The following SLC25A26 variants were observed in gnomAD, a reference collection of about 807,000 sequenced individuals.
The protein encoded by SLC25A26 is solute carrier family 25 member 26.
Under a neutral mutation model 37.8 loss-of-function variants are expected in SLC25A26, and 36 were observed. The ratio of observed to expected loss-of-function variants is 0.95; its 90% CI spans 0.73 to 1.26. SLC25A26 has a LOEUF of 1.26. Ranked by LOEUF, SLC25A26 falls within the 50% of genes most tolerant of loss-of-function variation. The probability of loss-of-function intolerance (pLI) is 0.00; values close to 1 mark genes in which losing one functional copy is unlikely to be tolerated. For synonymous variants in SLC25A26, 129 were observed against 122.5 expected, an observed-to-expected ratio of 1.05 and a Z score of -0.35; for missense variants, 390 against 331.1, an observed-to-expected ratio of 1.18 and a Z score of -1.38.
At chr3:66,168,992 G>T (rs1415060003) in intron 1 of SLC25A26, among the ~76,000 whole-genome samples, 1 of 152,126 alleles carries the variant, frequency 6.6e-6, no homozygotes, top group Non-Finnish European at 1.5e-5. Flanking sequence ...TGGCATGGTG[G>T]TGTGTGCCTG....
At chr3:66,340,567 G>A (rs1022312259) in intron 5 of SLC25A26, among the ~76,000 whole-genome samples, 2 of 152,012 alleles carry the variant, frequency 1.3e-5, no homozygotes, top group Admixed American at 1.3e-4. Context: ...CTGTGATCCA[G>A]CTCTCATTAA....
rs147438947 is a variant in SLC25A26, at chr3:66,150,986, G to A, written c.-354+17002G>A. Among the ~76,000 whole-genome samples the A allele has an allele frequency of 3.0e-3, 449 of 152,034 alleles. 1 individual carries two copies. Among genetic ancestry groups the A allele is most frequent in the African/African-American group, 0.011 (439 of 41,466 alleles). ...GGGCAGGTGCCTAGCACTGTGCTAT[G>A]TACTTACATAGTCACGTTCTAATGC... On this transcript the variant is annotated intron_variant, in intron 1 of 10. Transcript: ENST00000676754.
intron 1 of SLC25A26, among the ~76,000 whole-genome samples, chr3:66,191,149 G>A (rs1354892288): frequency 6.6e-6 from 1 of 152,132 alleles, no homozygotes; most frequent in Non-Finnish European, 1.5e-5. Flanking sequence ...CCTACTGTAA[G>A]GGACAATAAT....
chr3:66,235,279 TC>T (rs2072220912), intron 1 of SLC25A26, among the ~76,000 whole-genome samples: 1 of 152,244 alleles, frequency 6.6e-6, no homozygotes. Flanking sequence ...TTAAAAATAT[TC>T]TACATATTTG....
At chr3:66,357,810 G>C (rs2076610978) in intron 6 of SLC25A26, among the ~76,000 whole-genome samples, 1 of 152,008 alleles carries the variant, frequency 6.6e-6, no homozygotes, top group African/African-American at 2.4e-5. Context: ...AGTTCGACTA[G>C]AAGTTGAGCT....
intron 1 of SLC25A26, among the ~76,000 whole-genome samples, chr3:66,171,549 G>A (rs2070500070): frequency 6.6e-6 from 1 of 152,036 alleles, no homozygotes; most frequent in Non-Finnish European, 1.5e-5. Context: ...TGGTGCAGTG[G>A]TGCAATCTTT....
intron 1 of SLC25A26, among the ~76,000 whole-genome samples, chr3:66,134,729 C>T (rs1239845644): frequency 6.6e-6 from 1 of 152,152 alleles, no homozygotes; most frequent in Non-Finnish European, 1.5e-5. Flanking sequence ...AAATGTTTTG[C>T]CATCAATTTC....
At chr3:66,346,641 T>G (rs974303089) in intron 6 of SLC25A26, among the ~76,000 whole-genome samples, 1 of 151,798 alleles carries the variant, frequency 6.6e-6, no homozygotes, top group Non-Finnish European at 1.5e-5. Flanking sequence ...CCACAGATAA[T>G]AAGAAAAAAC....
intron 5 of SLC25A26, among the ~76,000 whole-genome samples, chr3:66,340,040 A>AG (rs2076173804): frequency 1.3e-5 from 2 of 152,022 alleles, no homozygotes; most frequent in African/African-American, 2.4e-5. Flanking sequence ...TAGGGTTATG[A>AG]GGTAAGGGTC....
At chr3:66,224,492 A>G (rs1022792236) in intron 1 of SLC25A26, among the ~76,000 whole-genome samples, 3 of 152,306 alleles carry the variant, frequency 2.0e-5, no homozygotes, top group African/African-American at 7.2e-5. Context: ...ACCTGCCCCC[A>G]TGATTCAGTT....
intron 1 of SLC25A26, among the ~76,000 whole-genome samples, chr3:66,191,063 C>A (rs2070932590): frequency 6.6e-6 from 1 of 151,956 alleles, no homozygotes; most frequent in Non-Finnish European, 1.5e-5. Flanking sequence ...TCAAAAGAAA[C>A]TTTATTGCTT....
intron 5 of SLC25A26, 122 bp downstream of exon 5, chr3:66,263,501 A>T: frequency 1.5e-6 from 1 of 676,150 alleles, no homozygotes; most frequent in Non-Finnish European, 2.6e-6. Context: ...TCAAAAAGGG[A>T]AATTATCGTC....
intron 5 of SLC25A26, among the ~76,000 whole-genome samples, chr3:66,281,571 A>T (rs527437297): frequency 9.2e-5 from 14 of 152,218 alleles, no homozygotes; most frequent in South Asian, 6.2e-4. Flanking sequence ...CATGGATTTT[A>T]AAAAAATAGC....
chr3:66,204,171 A>C (rs1445695230), intron 1 of SLC25A26, among the ~76,000 whole-genome samples: 1 of 152,120 alleles, frequency 6.6e-6, no homozygotes, highest in African/African-American at 2.4e-5. Context: ...CACGCCTGTA[A>C]TCCCAGCACT....
intron 1 of SLC25A26, among the ~76,000 whole-genome samples, chr3:66,215,375 AT>A (rs1412749606): frequency 9.9e-5 from 15 of 152,036 alleles, no homozygotes; most frequent in African/African-American, 2.9e-4. Flanking sequence ...TAATTATTTT[AT>A]TTTTTGTAGA....
chr3:66,215,356 G>A (rs933736502), intron 1 of SLC25A26, among the ~76,000 whole-genome samples: 5 of 152,010 alleles, frequency 3.3e-5, no homozygotes, highest in Non-Finnish European at 5.9e-5. Flanking sequence ...ATGTGCCACT[G>A]TGCATGACTA....
At chr3:66,314,498 T>G (rs1212346606) in intron 5 of SLC25A26, among the ~76,000 whole-genome samples, 1 of 152,152 alleles carries the variant, frequency 6.6e-6, no homozygotes, top group Non-Finnish European at 1.5e-5. Flanking sequence ...GTTTTTGATG[T>G]GCTGCTGTAT....
rs542663951 is a variant in SLC25A26, at chr3:66,352,089, A to T, written c.498+5681A>T. Reference sequence around the variant, plus strand: ...CATAGACTCCATCTCTACAAAAATTAAAAAAAAAAATTATCTGGGATTGGT... The same window carrying T: ...CATAGACTCCATCTCTACAAAAATTTAAAAAAAAAATTATCTGGGATTGGT... On this transcript the variant is annotated intron_variant, in intron 6 of 9. Transcript: ENST00000354883. Among the ~76,000 whole-genome samples, 133 of 149,242 alleles carry T rather than the reference A, an allele frequency of 8.9e-4. 1 individual carries two copies. Among genetic ancestry groups the T allele is most frequent in the African/African-American group, 6.1e-4 (25 of 40,854 alleles).
chr3:66,205,858 G>A (rs935001651), intron 1 of SLC25A26, among the ~76,000 whole-genome samples: 25,286 of 152,150 alleles, frequency 0.17, 2,635 homozygotes, highest in East Asian at 0.32. Flanking sequence ...TGGACCCTGA[G>A]AGAAGGACTT....
Sources: gnomAD v4.1 joint callset for allele counts (sites outside exome capture counted in the v4.1 genomes callset) on GRCh38, gnomAD v4.1.1 for gene constraint, MANE v1.5 for transcripts, NCBI Gene and HGNC (gene_info 2026-07-23, HGNC 2026-07-21) for gene names.